BPNT2: variants seen among roughly 807,000 people sequenced by gnomAD.
The protein encoded by BPNT2 is 3'(2'), 5'-bisphosphate nucleotidase 2, also known as Golgi-resident adenosine 3',5'-bisphosphate 3'-phosphatase.
A neutral mutation model predicts 29.3 loss-of-function variants in BPNT2; 11 were observed. That is an observed-to-expected ratio of 0.38 (90% CI 0.24 to 0.62). BPNT2 has a LOEUF of 0.62. BPNT2 is among the 20% of genes least tolerant of loss of function. The pLI is 0.62. For missense variants in BPNT2, 459 were observed against 473.4 expected, an observed-to-expected ratio of 0.97 and a Z score of 0.28; for synonymous variants, 195 against 187.7, an observed-to-expected ratio of 1.04 and a Z score of -0.32.
intron 3 of BPNT2, among the ~76,000 whole-genome samples, chr8:56,971,309 G>A (rs1806026636): frequency 6.7e-6 from 1 of 148,704 alleles, no homozygotes; most frequent in South Asian, 2.1e-4. Context: ...AATAAAAAGT[G>A]GTTGGTTGGT....
rs1241347552 is a variant in BPNT2 at position 56,963,752 on chromosome 8, C to A, written c.*41G>T. The A allele has an allele frequency of 1.2e-5, 19 of 1,610,660 alleles. No individual in the cohort carries two copies. The highest frequency in any genetic ancestry group is 2.2e-5 in the South Asian group (2 of 90,946). On this transcript the variant is annotated 3_prime_UTR_variant, in exon 5 of 5. Transcript: ENST00000262644. ...GAAGCTTCCAGCATCTCAGGCTAACCATTTCAGCTGTGAAGAACTGTACCC... is the reference window on the plus strand; with the variant it reads ...GAAGCTTCCAGCATCTCAGGCTAACAATTTCAGCTGTGAAGAACTGTACCC...
chr8:56,964,741 C>T (rs117982781), intron 4 of BPNT2, among the ~76,000 whole-genome samples: 93 of 152,324 alleles, frequency 6.1e-4, no homozygotes, highest in Non-Finnish European at 1.2e-3. Flanking sequence ...ACATATTATA[C>T]ACACAAGTTT....
chr8:56,987,448 G>C (rs1806344269), intron 1 of BPNT2, among the ~76,000 whole-genome samples: 1 of 152,162 alleles, frequency 6.6e-6, no homozygotes, highest in Non-Finnish European at 1.5e-5. Flanking sequence ...GGAGAAGAAA[G>C]ACTGCCCCTT....
intron 2 of BPNT2, among the ~76,000 whole-genome samples, chr8:56,979,627 G>T (rs1806206914): frequency 6.6e-6 from 1 of 152,148 alleles, no homozygotes; most frequent in South Asian, 2.1e-4. Context: ...AATGAAGAGT[G>T]AAAAGGCAGA....
chr8:56,992,148 A>T (rs1806427428), intron 1 of BPNT2, among the ~76,000 whole-genome samples: 1 of 152,206 alleles, frequency 6.6e-6, no homozygotes, highest in African/African-American at 2.4e-5. Flanking sequence ...ATACATAACT[A>T]AACAATGACA....
At chr8:56,973,503 T>C (rs1019373482) in intron 3 of BPNT2, among the ~76,000 whole-genome samples, 5 of 152,222 alleles carry the variant, frequency 3.3e-5, no homozygotes, top group African/African-American at 1.2e-4. Flanking sequence ...ATGTTGTGCA[T>C]GTCTCCACAA....
At chr8:56,989,945 T>C (rs557834074) in intron 1 of BPNT2, among the ~76,000 whole-genome samples, 2 of 152,258 alleles carry the variant, frequency 1.3e-5, no homozygotes, top group Non-Finnish European at 2.9e-5. Flanking sequence ...TCAGTGCTTA[T>C]GTCTACACCA....
At chr8:56,984,571 T>A (rs538396733) in intron 1 of BPNT2, among the ~76,000 whole-genome samples, 1 of 152,302 alleles carries the variant, frequency 6.6e-6, no homozygotes, top group South Asian at 2.1e-4. Flanking sequence ...CCTCAATTGT[T>A]CTCACCTCCT....
rs988500518 is a variant in BPNT2, at chr8:56,990,962, T to C, written c.387+2237A>G. 4.6e-5 allele frequency among the ~76,000 whole-genome samples: 7 copies of C among 152,192 alleles called. No homozygotes were observed. In the East Asian group the frequency reaches 1.3e-3, roughly 29 times the overall value. Reference sequence around the variant, plus strand: ...TTGCTTCTCAATGGTCTTTTTCCACTAGGAAGTAAACTAAGTGGGATATAA... The same window carrying C: ...TTGCTTCTCAATGGTCTTTTTCCACCAGGAAGTAAACTAAGTGGGATATAA... On this transcript the variant is annotated intron_variant, in intron 1 of 4. Transcript: ENST00000262644.
rs920110000 is a variant in BPNT2 at position 56,961,399 on chromosome 8, C to T, written c.*2394G>A. 8 of 151,828 alleles carry T rather than the reference C, an allele frequency of 5.3e-5. No homozygotes were observed. The highest frequency in any genetic ancestry group is 1.9e-4 in the African/African-American group (8 of 41,326). 9.4% of individuals were successfully genotyped at this position (151,828 alleles called of 1,614,324 possible). ...ACGTATATTGGCTTTTAAAAACAAA[C>T]AATTTTAAAAATGAACTTTTTATAA... On this transcript the variant is annotated 3_prime_UTR_variant, in exon 5 of 5. Coordinates refer to ENST00000262644, the MANE Select transcript of BPNT2 (RefSeq NM_017813.5).
rs1046636 is a variant in BPNT2, at chr8:56,963,092, G to A, written c.*701C>T. 0.069 allele frequency: 10,530 copies of A among 152,222 alleles called. 572 individuals are homozygous for A. The highest frequency in any genetic ancestry group is 0.27 in the East Asian group (1,394 of 5,174). The allele number at this position is 152,222 out of a possible 1,614,324, so 9.4% of individuals were successfully genotyped here. On this transcript the variant is annotated 3_prime_UTR_variant, in exon 5 of 5. Transcript: ENST00000262644. ...AAAATAGCAAGATGGCAGAAATGCT[G>A]AACTCATGGGTACAAACACACTTTT...
At position 56,963,937 on chromosome 8, in the gene BPNT2, C is replaced by T; in HGVS notation, c.936G>A (p.Gly312=). Residue 312 remains glycine, a synonymous_variant, in exon 5 of 5, where the codon GGG becomes GGA. Coordinates refer to ENST00000262644, the MANE Select transcript of BPNT2 (RefSeq NM_017813.5). Reference sequence around the variant, plus strand: ...CACCACTCAGGGTAGTCATATGCCCCCCTAGGGCTTTTAAGATGGCATTAC... The same window carrying T: ...CACCACTCAGGGTAGTCATATGCCCTCCTAGGGCTTTTAAGATGGCATTAC... The part of the protein sequence containing the change: ...CAGNAILKAL[G]GHMTTLSGEE... 1.9e-6 allele frequency: 3 copies of T among 1,614,046 alleles called. No homozygotes were observed. Among genetic ancestry groups the T allele is most frequent in the Non-Finnish European group, 2.5e-6 (3 of 1,179,994 alleles).
intron 1 of BPNT2, 123 bp from the exon 2 acceptor site, chr8:56,980,320 CT>C (rs1806218849): frequency 5.2e-6 from 4 of 768,696 alleles, no homozygotes; most frequent in Non-Finnish European, 8.7e-6. Context: ...ATTTTTATTT[CT>C]TTTGATGCTC....
chr8:56,964,111 G>A (rs1249220001), intron 4 of BPNT2, 47 bp from the exon 5 acceptor site: 1 of 1,372,460 alleles, frequency 7.3e-7, no homozygotes, highest in South Asian at 1.3e-5. Flanking sequence ...AAAATTTTAA[G>A]AAAGTAGCAT....
chr8:56,978,186 G>A, intron 2 of BPNT2, 41 bp from the exon 3 acceptor site: 1 of 1,196,988 alleles, frequency 8.4e-7, no homozygotes, highest in Non-Finnish European at 1.2e-6. Flanking sequence ...AAATGTCAAA[G>A]TAATGTGCAT....
At chr8:56,973,388 T>C (rs916967648) in intron 3 of BPNT2, among the ~76,000 whole-genome samples, 18 of 152,240 alleles carry the variant, frequency 1.2e-4, no homozygotes, top group Non-Finnish European at 2.4e-4. Flanking sequence ...GAGAAAATCA[T>C]TCAAAGTCTG....
intron 1 of BPNT2, among the ~76,000 whole-genome samples, chr8:56,988,442 C>T (rs983345537): frequency 3.9e-5 from 6 of 152,078 alleles, no homozygotes; most frequent in Non-Finnish European, 1.5e-5. Context: ...GATCTAGCTC[C>T]CTGTAAGGTT....
intron 1 of BPNT2, among the ~76,000 whole-genome samples, chr8:56,985,026 G>A (rs891326768): frequency 2.6e-5 from 4 of 151,536 alleles, no homozygotes; most frequent in East Asian, 1.9e-4. Context: ...TTAAGGTCTC[G>A]GCTCAAATGA....
rs1029914589 is a variant in BPNT2, at chr8:56,963,988, G to A, written c.885C>T (p.Tyr295=). The A allele has an allele frequency of 1.2e-6, 2 of 1,612,242 alleles. No homozygotes were observed. The highest frequency in any genetic ancestry group is 1.7e-6 in the Non-Finnish European group (2 of 1,178,788). The change falls in exon 5 of 5, where the codon TAC becomes TAT. Residue 295 remains tyrosine (Y), a synonymous_variant. Coordinates refer to ENST00000262644, the MANE Select transcript of BPNT2 (RefSeq NM_017813.5). ...CAGCACATATATCCCACTTTTTGATGTATGTCACATGGATGTATAAATCAG... is the reference window on the plus strand; with the variant it reads ...CAGCACATATATCCCACTTTTTGATATATGTCACATGGATGTATAAATCAG... ...EKADLYIHVT[Y]IKKWDICAGN...
Sources: gnomAD v4.1 joint callset for allele counts (sites outside exome capture counted in the v4.1 genomes callset) on GRCh38, gnomAD v4.1.1 for gene constraint, MANE v1.5 for transcripts, NCBI Gene and HGNC (gene_info 2026-07-23, HGNC 2026-07-21) for gene names.